The following CAMK2D variants were observed in gnomAD, a reference collection of about 807,000 sequenced individuals.
The protein encoded by CAMK2D is calcium/calmodulin dependent protein kinase II delta.
A neutral mutation model predicts 84.0 loss-of-function variants in CAMK2D; 37 were observed. The ratio of observed to expected loss-of-function variants is 0.44; its 90% confidence interval spans 0.34 to 0.58. The LOEUF is 0.58. CAMK2D is among the 20% of genes least tolerant of loss of function. The pLI is 0.02. For missense variants in CAMK2D, 448 were observed against 652.5 expected, an observed-to-expected ratio of 0.69 and a Z score of 3.41; for synonymous variants, 202 against 212.5, an observed-to-expected ratio of 0.95 and a Z score of 0.43.
intron 3 of CAMK2D, among the ~76,000 whole-genome samples, chr4:113,655,871 C>G (rs115182408): frequency 0.01 from 1,570 of 152,086 alleles, 11 homozygotes; most frequent in Non-Finnish European, 0.014. Context: ...TTTCTCTTTA[C>G]CATTGTTTGT....
At chr4:113,679,327 C>G (rs982964323) in intron 2 of CAMK2D, 2 of 234,602 alleles carry the variant, frequency 8.5e-6, no homozygotes, top group East Asian at 3.6e-4. Context: ...CTTAGGTTTA[C>G]TAATACACGT....
chr4:113,676,151 A>G (rs2099317480), intron 2 of CAMK2D, among the ~76,000 whole-genome samples: 1 of 152,184 alleles, frequency 6.6e-6, no homozygotes, highest in Admixed American at 6.5e-5. Flanking sequence ...CTTGGCATCT[A>G]TCCAGTCTTC....
At chr4:113,610,210 C>T (rs763819900) in intron 3 of CAMK2D, among the ~76,000 whole-genome samples, 3 of 152,136 alleles carry the variant, frequency 2.0e-5, no homozygotes, top group Admixed American at 6.6e-5. Context: ...CTTTTCCCAC[C>T]TTCCAACCTC....
intron 6 of CAMK2D, among the ~76,000 whole-genome samples, chr4:113,537,751 C>G (rs2098503298): frequency 1.3e-5 from 2 of 152,140 alleles, no homozygotes; most frequent in Non-Finnish European, 2.9e-5. Context: ...CCAAGGACTG[C>G]TCAGGATTCA....
chr4:113,651,178 C>A (rs779410352), intron 3 of CAMK2D, among the ~76,000 whole-genome samples: 6 of 152,112 alleles, frequency 3.9e-5, no homozygotes, highest in Admixed American at 3.3e-4. Context: ...TGTTTACTTT[C>A]CTTCAACATA....
At chr4:113,535,572 A>G (rs1306731914) in intron 7 of CAMK2D, among the ~76,000 whole-genome samples, 1 of 152,156 alleles carries the variant, frequency 6.6e-6, no homozygotes, top group African/African-American at 2.4e-5. Context: ...ACATAAAATC[A>G]TTTCCTGCCT....
chr4:113,616,216 T>C (rs993390735), intron 3 of CAMK2D, among the ~76,000 whole-genome samples: 1 of 152,124 alleles, frequency 6.6e-6, no homozygotes, highest in Non-Finnish European at 1.5e-5. Flanking sequence ...AATGTAATTA[T>C]TATATGAAAA....
In CAMK2D at chr4:113,759,409, G is replaced by GC. The variant is rs1490952999; in HGVS notation, c.70dup (p.Ala24GlyfsTer30). 3 of 1,588,816 alleles carry GC rather than the reference G, an allele frequency of 1.9e-6. No homozygotes were observed. The highest frequency in any genetic ancestry group is 1.7e-6 in the Non-Finnish European group (2 of 1,163,646). Reference sequence around the variant, plus strand: ...CATACATCTTCTCACCACTGAGAATGCCCCCCTGGAAACCAATAATTAGCA... The same window carrying GC: ...CATACATCTTCTCACCACTGAGAATGCCCCCCCTGGAAACCAATAATTAGCA... On this transcript the variant is annotated frameshift_variant, in exon 2 of 21. Transcript: ENST00000511664. LOFTEE classifies it high-confidence loss of function.
chr4:113,636,018 C>G (rs1250869870), intron 3 of CAMK2D, among the ~76,000 whole-genome samples: 2 of 152,132 alleles, frequency 1.3e-5, no homozygotes, highest in Non-Finnish European at 2.9e-5. Context: ...TTTTATATTC[C>G]CAACCCTGAA....
chr4:113,496,125 G>A (rs949084212), intron 16 of CAMK2D, among the ~76,000 whole-genome samples: 4 of 152,180 alleles, frequency 2.6e-5, no homozygotes, highest in African/African-American at 9.6e-5. Flanking sequence ...TATACAGTGT[G>A]GAAAGAACTA....
intron 2 of CAMK2D, among the ~76,000 whole-genome samples, chr4:113,698,494 T>C (rs988119353): frequency 6.6e-6 from 1 of 152,130 alleles, no homozygotes; most frequent in African/African-American, 2.4e-5. Flanking sequence ...GTCTGGTCCA[T>C]TGTAAGAACT....
At chr4:113,666,745 AT>A (rs1366327244) in intron 2 of CAMK2D, among the ~76,000 whole-genome samples, 2 of 152,162 alleles carry the variant, frequency 1.3e-5, no homozygotes, top group Non-Finnish European at 2.9e-5. Flanking sequence ...TTATATCAAA[AT>A]TACAGAGGAG....
chr4:113,542,647 G>A (rs938790040), intron 6 of CAMK2D, among the ~76,000 whole-genome samples: 1 of 151,824 alleles, frequency 6.6e-6, no homozygotes, highest in Non-Finnish European at 1.5e-5. Context: ...CCAGGGAGGC[G>A]GAGCTTGCAG....
chr4:113,545,315 T>C (rs2098557804), intron 6 of CAMK2D, among the ~76,000 whole-genome samples: 1 of 152,202 alleles, frequency 6.6e-6, no homozygotes, highest in Non-Finnish European at 1.5e-5. Flanking sequence ...ATGATAAACA[T>C]GACATTTCCT....
At chr4:113,580,500 T>C (rs17592623) in intron 4 of CAMK2D, among the ~76,000 whole-genome samples, 12,555 of 152,292 alleles carry the variant, frequency 0.082, 906 homozygotes, top group East Asian at 0.19. Context: ...TTAGAAAAGA[T>C]ATTCAGAAAA....
chr4:113,596,508 A>G (rs1397898914), intron 4 of CAMK2D, among the ~76,000 whole-genome samples: 1 of 152,218 alleles, frequency 6.6e-6, no homozygotes, highest in Non-Finnish European at 1.5e-5. Flanking sequence ...TGTGTTAATA[A>G]TAATACTTAA....
chr4:113,682,694 T>C (rs1016744062), intron 2 of CAMK2D, among the ~76,000 whole-genome samples: 1 of 152,202 alleles, frequency 6.6e-6, no homozygotes, highest in African/African-American at 2.4e-5. Context: ...ACCTATAATT[T>C]GATATTTATC....
At chr4:113,565,592 A>C (rs2098719401) in intron 4 of CAMK2D, among the ~76,000 whole-genome samples, 1 of 151,224 alleles carries the variant, frequency 6.6e-6, no homozygotes, top group South Asian at 2.1e-4. Context: ...CAGAGGTTGC[A>C]GTGAGCCGAG....
intron 16 of CAMK2D, among the ~76,000 whole-genome samples, chr4:113,494,586 T>G (rs2097900004): frequency 6.6e-6 from 1 of 152,202 alleles, no homozygotes; most frequent in African/African-American, 2.4e-5. Flanking sequence ...ATTACTGCTG[T>G]CTTTTTGTTT....
Sources: gnomAD v4.1 joint callset for allele counts (sites outside exome capture counted in the v4.1 genomes callset) on GRCh38, gnomAD v4.1.1 for gene constraint, MANE v1.5 for transcripts, NCBI Gene and HGNC (gene_info 2026-07-23, HGNC 2026-07-21) for gene names.